NRG3: variants seen among roughly 807,000 people sequenced by gnomAD.
The protein encoded by NRG3 is neuregulin 3.
In NRG3, 31 loss-of-function variants were observed where a neutral mutation model predicts 66.9. The observed-to-expected ratio is 0.46, with a 90% CI of 0.35 to 0.63. The LOEUF (loss-of-function observed/expected upper bound fraction) is 0.63. NRG3 is among the 20% of genes least tolerant of loss of function. NRG3 has a pLI of 0.00. For missense variants in NRG3, 910 were observed against 878.9 expected (o/e 1.04, Z -0.45); for synonymous variants, 393 against 359.4 (o/e 1.09, Z -1.06).
chr10:82,226,462 T>G (rs1198167816), intron 1 of NRG3, among the ~76,000 whole-genome samples: 1 of 152,176 alleles, frequency 6.6e-6, no homozygotes, highest in Non-Finnish European at 1.5e-5. Flanking sequence ...GATTTTGATT[T>G]GAATCCTCCT....
At chr10:82,062,580 T>A (rs1054615338) in intron 1 of NRG3, among the ~76,000 whole-genome samples, 1 of 147,718 alleles carries the variant, frequency 6.8e-6, no homozygotes, top group Non-Finnish European at 1.5e-5. Context: ...CAGTCCAGCC[T>A]AGGGGCAGAG....
chr10:82,582,958 T>G (rs993158397), intron 2 of NRG3, among the ~76,000 whole-genome samples: 4 of 152,152 alleles, frequency 2.6e-5, no homozygotes, highest in South Asian at 4.1e-4. Flanking sequence ...CTAGGACAGA[T>G]AAGAGGCTAT....
At chr10:82,358,931 G>T in intron 2 of NRG3, 63 bp downstream of exon 2, 2 of 1,608,086 alleles carry the variant, frequency 1.2e-6, no homozygotes, top group Non-Finnish European at 1.7e-6. Flanking sequence ...GGTGGAGGGT[G>T]CTGGCAGCAT....
At chr10:81,950,870 AT>A (rs1849287008) in intron 1 of NRG3, among the ~76,000 whole-genome samples, 1 of 152,108 alleles carries the variant, frequency 6.6e-6, no homozygotes, top group African/African-American at 2.4e-5. Flanking sequence ...GTGTGTTTTT[AT>A]TTGAATACAT....
chr10:82,650,671 T>G (rs1432165264), intron 2 of NRG3, among the ~76,000 whole-genome samples: 2 of 152,274 alleles, frequency 1.3e-5, no homozygotes, highest in Non-Finnish European at 2.9e-5. Flanking sequence ...GTTAACTGGT[T>G]AAGTCATTTT....
chr10:82,743,239 G>A (rs1183185566), intron 3 of NRG3, among the ~76,000 whole-genome samples: 2 of 152,062 alleles, frequency 1.3e-5, no homozygotes, highest in Admixed American at 6.5e-5. Flanking sequence ...TAGCCCCTCC[G>A]TGGAAGGTAG....
intron 2 of NRG3, among the ~76,000 whole-genome samples, chr10:82,710,060 A>G (rs2256488): frequency 0.51 from 77,794 of 152,048 alleles, 21,492 homozygotes; most frequent in East Asian, 0.66. Flanking sequence ...ATATTTATTT[A>G]CACATACTGA....
chr10:82,128,123 C>T lies in NRG3; in HGVS notation c.824-230616C>T, dbSNP rs115574772. Among the ~76,000 whole-genome samples, 463 of 151,938 alleles carry T rather than the reference C, an allele frequency of 3.0e-3. 5 individuals carry two copies. The highest frequency in any genetic ancestry group is 0.011 in the African/African-American group (439 of 41,462). On this transcript the variant is annotated intron_variant, in intron 1 of 8. Coordinates refer to ENST00000372141, the MANE Select transcript of NRG3 (RefSeq NM_001010848.4). The stretch of plus-strand genomic sequence containing the variant: ...TCTAGTCATTGGCCTTCCTTCTACC[C>T]GTCGTGATTCCAATGGAAGATAAAA...
intron 1 of NRG3, among the ~76,000 whole-genome samples, chr10:82,307,901 T>C (rs2080830782): frequency 6.6e-6 from 1 of 152,146 alleles, no homozygotes; most frequent in Non-Finnish European, 1.5e-5. Context: ...GTTTTTTTCT[T>C]TATAAATGTT....
chr10:82,890,567 A>G (rs1176101814), intron 4 of NRG3, among the ~76,000 whole-genome samples: 1 of 152,176 alleles, frequency 6.6e-6, no homozygotes, highest in East Asian at 1.9e-4. Flanking sequence ...TAGTTTTAGG[A>G]TATTAGGAAT....
At chr10:82,724,824 T>A (rs1399403149) in intron 2 of NRG3, among the ~76,000 whole-genome samples, 12 of 152,210 alleles carry the variant, frequency 7.9e-5, no homozygotes. Flanking sequence ...TCCTTTATAA[T>A]GTCAATCATA....
At chr10:82,494,746 C>T (rs920029883) in intron 2 of NRG3, among the ~76,000 whole-genome samples, 1 of 152,054 alleles carries the variant, frequency 6.6e-6, no homozygotes, top group Non-Finnish European at 1.5e-5. Flanking sequence ...TGTTAATAAT[C>T]AGTGTGTATG....
At chr10:82,495,462 C>T (rs1843538893) in intron 2 of NRG3, among the ~76,000 whole-genome samples, 1 of 151,724 alleles carries the variant, frequency 6.6e-6, no homozygotes, top group South Asian at 2.1e-4. Flanking sequence ...ATGCATTTCT[C>T]TTTTGCTCTT....
chr10:82,396,917 A>G (rs2086751726), intron 2 of NRG3, among the ~76,000 whole-genome samples: 1 of 152,112 alleles, frequency 6.6e-6, no homozygotes, highest in African/African-American at 2.4e-5. Flanking sequence ...TTTGCTATCA[A>G]CCCCTTAGAA....
intron 2 of NRG3, among the ~76,000 whole-genome samples, chr10:82,517,591 C>A (rs1366400165): frequency 6.6e-6 from 1 of 151,694 alleles, no homozygotes; most frequent in Non-Finnish European, 1.5e-5. Flanking sequence ...TTTTCAATCA[C>A]TAATCTTCAC....
At chr10:81,967,744 A>G (rs922512515) in intron 1 of NRG3, among the ~76,000 whole-genome samples, 4 of 152,044 alleles carry the variant, frequency 2.6e-5, no homozygotes, top group Non-Finnish European at 5.9e-5. Flanking sequence ...GGGTAGAAGA[A>G]TTTTCCATGT....
chr10:82,567,631 A>G (rs1045503959), intron 2 of NRG3, among the ~76,000 whole-genome samples: 2 of 151,954 alleles, frequency 1.3e-5, no homozygotes, highest in African/African-American at 2.4e-5. Flanking sequence ...ACAAATACAT[A>G]TAAATCAATC....
chr10:82,354,183 C>T (rs1036850861), intron 1 of NRG3, among the ~76,000 whole-genome samples: 2 of 149,836 alleles, frequency 1.3e-5, no homozygotes, highest in African/African-American at 4.9e-5. Context: ...CACAGGCGTG[C>T]GCCACCATGC....
At chr10:82,258,006 A>G (rs1215304231) in intron 1 of NRG3, among the ~76,000 whole-genome samples, 1 of 152,098 alleles carries the variant, frequency 6.6e-6, no homozygotes, top group Non-Finnish European at 1.5e-5. Flanking sequence ...AAACTCATCA[A>G]TTACCAGATA....
Sources: allele counts gnomAD v4.1 joint callset (sites outside exome capture counted in the v4.1 genomes callset), GRCh38; gene constraint gnomAD v4.1.1; transcripts MANE v1.5; gene names NCBI Gene and HGNC (gene_info 2026-07-23, HGNC 2026-07-21).